The following ARHGEF3 variants were observed in gnomAD, a reference collection of about 807,000 sequenced individuals.
ARHGEF3 encodes 59.8 kDA protein.
Under a neutral mutation model 63.2 loss-of-function variants are expected in ARHGEF3, and 28 were observed. That is an observed-to-expected ratio of 0.44 (90% CI 0.33 to 0.61). The LOEUF is 0.61. Among genes scored for constraint, ARHGEF3 ranks in the 20% least tolerant of loss-of-function variants. The pLI is 0.03. For missense variants in ARHGEF3, 533 were observed against 659.3 expected, an observed-to-expected ratio of 0.81 and a Z score of 2.10; for synonymous variants, 266 against 254.2, an observed-to-expected ratio of 1.05 and a Z score of -0.44.
At chr3:56,894,534 A>C (rs1413025222) in intron 3 of ARHGEF3, among the ~76,000 whole-genome samples, 1 of 152,116 alleles carries the variant, frequency 6.6e-6, no homozygotes, top group East Asian at 1.9e-4. Context: ...TCAAGCCTGT[A>C]ATCTCAGCAC....
chr3:57,029,999 C>T (rs1703665581), intron 2 of ARHGEF3, among the ~76,000 whole-genome samples: 1 of 152,112 alleles, frequency 6.6e-6, no homozygotes, highest in African/African-American at 2.4e-5. Context: ...AAGATGGGAG[C>T]TGATAAGTGG....
At chr3:56,800,560 T>C (rs1426758674) in intron 1 of ARHGEF3, among the ~76,000 whole-genome samples, 1 of 152,184 alleles carries the variant, frequency 6.6e-6, no homozygotes, top group African/African-American at 2.4e-5. Flanking sequence ...CAGCTCTTGC[T>C]AGAGGAAATG....
intron 2 of ARHGEF3, among the ~76,000 whole-genome samples, chr3:57,013,550 A>G (rs965054300): frequency 3.9e-5 from 6 of 152,166 alleles, no homozygotes; most frequent in East Asian, 1.9e-4. Context: ...AAATGCACCA[A>G]TCAGTTCTCC....
intron 1 of ARHGEF3, among the ~76,000 whole-genome samples, chr3:57,059,809 A>C (rs9882819): frequency 0.87 from 132,300 of 151,828 alleles, 57,716 homozygotes; most frequent in East Asian, 0.96. Context: ...CCAGCCTGAC[A>C]AACATGGAGA....
intron 2 of ARHGEF3, among the ~76,000 whole-genome samples, chr3:56,980,204 T>C (rs1346933726): frequency 6.6e-6 from 1 of 152,246 alleles, no homozygotes; most frequent in Non-Finnish European, 1.5e-5. Flanking sequence ...TTATGCCACA[T>C]TGTGAAAATA....
At chr3:57,044,176 T>A (rs992113366) in intron 1 of ARHGEF3, among the ~76,000 whole-genome samples, 8 of 152,180 alleles carry the variant, frequency 5.3e-5, no homozygotes, top group Admixed American at 3.9e-4. Flanking sequence ...CACAGACAAA[T>A]GCAATACTTG....
At chr3:56,774,791 C>T (rs575597870) in intron 1 of ARHGEF3, among the ~76,000 whole-genome samples, 12 of 152,068 alleles carry the variant, frequency 7.9e-5, no homozygotes, top group East Asian at 1.9e-4. Flanking sequence ...CCCAGCTACT[C>T]GGGAGGCGTG....
intron 2 of ARHGEF3, among the ~76,000 whole-genome samples, chr3:57,011,096 C>A (rs1702680983): frequency 6.6e-6 from 1 of 152,124 alleles, no homozygotes; most frequent in African/African-American, 2.4e-5. Flanking sequence ...CGTGTAGGAG[C>A]TATGATGAAC....
At chr3:56,819,515 T>G (rs893624831) in intron 4 of ARHGEF3, among the ~76,000 whole-genome samples, 4 of 150,054 alleles carry the variant, frequency 2.7e-5, no homozygotes, top group East Asian at 1.9e-4. Flanking sequence ...GTGGCAGTTT[T>G]TTTTTTTTTT....
chr3:56,997,339 G>A (rs1413303897), intron 2 of ARHGEF3, among the ~76,000 whole-genome samples: 1 of 152,162 alleles, frequency 6.6e-6, no homozygotes, highest in African/African-American at 2.4e-5. Context: ...GCAGAGCAGG[G>A]TCCACATTTG....
intron 1 of ARHGEF3, among the ~76,000 whole-genome samples, chr3:56,786,871 T>C (rs1298027301): frequency 6.8e-6 from 1 of 146,710 alleles, no homozygotes; most frequent in Non-Finnish European, 1.5e-5. Flanking sequence ...AAAGAATAAA[T>C]ACAAACCTGT....
At chr3:56,954,382 A>G (rs1156295588) in intron 3 of ARHGEF3, among the ~76,000 whole-genome samples, 2 of 152,138 alleles carry the variant, frequency 1.3e-5, no homozygotes, top group Non-Finnish European at 2.9e-5. Context: ...CTGGACTCTG[A>G]GCTCAGCACT....
intron 3 of ARHGEF3, among the ~76,000 whole-genome samples, chr3:56,906,361 G>A (rs936734482): frequency 6.6e-6 from 1 of 152,220 alleles, no homozygotes; most frequent in African/African-American, 2.4e-5. Context: ...CTGGTGCTCT[G>A]TGGATCCGCA....
At chr3:57,020,006 C>G (rs1560139524) in intron 2 of ARHGEF3, among the ~76,000 whole-genome samples, 1 of 152,174 alleles carries the variant, frequency 6.6e-6, no homozygotes, top group Non-Finnish European at 1.5e-5. Flanking sequence ...TCAAGTGATT[C>G]TCCTGCCTCA....
rs538155003 is a variant in ARHGEF3 at position 57,075,801 on chromosome 3, C to A, written c.-28+3425G>T. Among the ~76,000 whole-genome samples, 135 of 152,216 alleles carry A rather than the reference C, an allele frequency of 8.9e-4. 2 individuals carry two copies. The highest frequency in any genetic ancestry group is 5.0e-3 in the Admixed American group (76 of 15,286). ...TGCCAGCCTGGGCAAGAAAGCAAGA[C>A]CCTATCTCTAAAAAAGAAAAAAGAA... On this transcript the variant is annotated intron_variant, in intron 1 of 12. Coordinates refer to the ARHGEF3 transcript ENST00000338458.
chr3:56,965,945 G>GC (rs1249486656), intron 2 of ARHGEF3, among the ~76,000 whole-genome samples: 71 of 151,872 alleles, frequency 4.7e-4, no homozygotes, highest in African/African-American at 1.6e-3. Context: ...ACTGCGCCTG[G>GC]CCACTACATT....
At chr3:57,055,966 C>T (rs1364010995) in intron 1 of ARHGEF3, among the ~76,000 whole-genome samples, 1 of 152,162 alleles carries the variant, frequency 6.6e-6, no homozygotes, top group Non-Finnish European at 1.5e-5. Context: ...GGTAAGACAG[C>T]ATCTGGCTGT....
At chr3:56,882,438 G>T in intron 3 of ARHGEF3, 2 of 1,034,576 alleles carry the variant, frequency 1.9e-6, no homozygotes, top group Non-Finnish European at 2.9e-6. Flanking sequence ...CAATCAAATA[G>T]CACATGCAAT....
rs899889736 is a variant in ARHGEF3, at chr3:56,801,735, G to A, written c.64C>T (p.Pro22Ser). The change falls in exon 1 of 10, where the codon CCC (proline) becomes TCC (serine). Residue 22 changes from proline to serine, a missense_variant. Physicochemically the swap from Pro to Ser is moderately conservative, Grantham distance 74. Coordinates refer to ENST00000296315, the MANE Select transcript of ARHGEF3 (RefSeq NM_019555.3). ...TCCTTGGCCGGACCGCTGGCCGGGGGTAGCTCCAGGCTGCAGTTCGCTCTC... is the reference window on the plus strand; with the variant it reads ...TCCTTGGCCGGACCGCTGGCCGGGGATAGCTCCAGGCTGCAGTTCGCTCTC... ...VKRANCSLEL[P>S]PASGPAKDAE... 2.6e-6 allele frequency: 4 copies of A among 1,567,784 alleles called. No individual in the cohort carries two copies. The African/African-American group carries it at 4.0e-5, about 16-fold the overall frequency.
Sources: allele counts gnomAD v4.1 joint callset (sites outside exome capture counted in the v4.1 genomes callset), GRCh38; gene constraint gnomAD v4.1.1; transcripts MANE v1.5; gene names NCBI Gene and HGNC (gene_info 2026-07-23, HGNC 2026-07-21).